The following MCF2L variants were observed in gnomAD, a reference collection of about 807,000 sequenced individuals.
MCF2L encodes MCF.2 cell line derived transforming sequence like, also known as guanine nucleotide exchange factor DBS.
MCF2L carries 97 observed loss-of-function variants against 153.4 expected under a neutral mutation model. The observed-to-expected ratio is 0.63, with a 90% CI of 0.54 to 0.75. The LOEUF (loss-of-function observed/expected upper bound fraction) is 0.75. Among genes scored for constraint, MCF2L ranks in the 30% least tolerant of loss-of-function variants. The pLI, the probability that MCF2L is intolerant of heterozygous loss-of-function variation, is 0.00. For missense variants in MCF2L, 1,347 were observed against 1,495.2 expected (o/e 0.90, Z 1.64); for synonymous variants, 659 against 632.2 (o/e 1.04, Z -0.64).
At chr13:112,902,451 G>A (rs749599100) in intron 2 of MCF2L, 9 of 1,381,940 alleles carry the variant, frequency 6.5e-6, no homozygotes, top group African/African-American at 2.9e-5. Flanking sequence ...TTGCTATTCC[G>A]GTCCTTTTAG....
chr13:112,994,294 G>A (rs931679517), intron 1 of MCF2L, among the ~76,000 whole-genome samples: 5 of 151,254 alleles, frequency 3.3e-5, no homozygotes, highest in Admixed American at 6.6e-5. Context: ...GACGGGGCGC[G>A]GCGCGTGGGA....
intron 2 of MCF2L, among the ~76,000 whole-genome samples, chr13:112,906,495 C>T (rs975753262): frequency 1.3e-5 from 2 of 152,228 alleles, no homozygotes; most frequent in South Asian, 2.1e-4. Flanking sequence ...TGTACACACA[C>T]GCACACACGG....
At chr13:113,083,028 T>C (rs1202756336) in intron 17 of MCF2L, among the ~76,000 whole-genome samples, 1 of 152,120 alleles carries the variant, frequency 6.6e-6, no homozygotes, top group Non-Finnish European at 1.5e-5. Flanking sequence ...GGGCTGCTTG[T>C]CCCCCGAGCG....
At chr13:113,087,938 G>A in intron 23 of MCF2L, 139 bp downstream of exon 23, 7 of 708,126 alleles carry the variant, frequency 9.9e-6, no homozygotes, top group Non-Finnish European at 1.7e-5. Flanking sequence ...GCCCTGGGCT[G>A]TCTTCACCCT....
intron 3 of MCF2L, among the ~76,000 whole-genome samples, chr13:113,037,413 A>T (rs2086221487): frequency 6.6e-6 from 1 of 152,204 alleles, no homozygotes; most frequent in Non-Finnish European, 1.5e-5. Flanking sequence ...GAGTTGGTTG[A>T]ACATCTGCAG....
At chr13:112,905,107 G>A (rs549845030) in intron 2 of MCF2L, among the ~76,000 whole-genome samples, 65 of 152,278 alleles carry the variant, frequency 4.3e-4, no homozygotes, top group African/African-American at 1.3e-3. Context: ...ATAAGAACTC[G>A]GAGTTGCAAA....
chr13:113,053,387 C>A lies in MCF2L; in HGVS notation c.370-7206C>A, dbSNP rs978821828. Among the ~76,000 whole-genome samples, 1 of 152,170 alleles carries A rather than the reference C, an allele frequency of 6.6e-6. No homozygotes were observed. The highest frequency in any genetic ancestry group is 1.9e-4 in the East Asian group (1 of 5,190). ...TGAAGCCAGTTGCTTTATGGAATAT[C>A]CTTTCATCTGGTTTCCTTGTAATTA... On this transcript the variant is annotated intron_variant, in intron 4 of 29. Coordinates refer to ENST00000535094, the MANE Select transcript of MCF2L (RefSeq NM_001112732.3). The surrounding 1 kb of genome is among the most constrained non-coding windows in gnomAD (Gnocchi z 4.4).
chr13:113,081,191 T>G (rs1281121123), intron 15 of MCF2L, 22 bp from the exon 16 acceptor site: 6 of 1,566,500 alleles, frequency 3.8e-6, no homozygotes, highest in East Asian at 2.3e-5. Context: ...CCTTTTTTGC[T>G]CTCCACATGA....
At chr13:112,957,988 T>C (rs1052696056) in intron 2 of MCF2L, 2 of 152,238 alleles carry the variant, frequency 1.3e-5, no homozygotes, top group Non-Finnish European at 2.9e-5. Context: ...AATAACTTGG[T>C]TAGATTTTCC....
intron 2 of MCF2L, among the ~76,000 whole-genome samples, chr13:112,955,235 A>T (rs565117558): frequency 1.3e-5 from 2 of 152,168 alleles, no homozygotes; most frequent in South Asian, 4.1e-4. Context: ...GAGGCCTCAC[A>T]CGTCCTAAAC....
At chr13:113,095,097 C>G in intron 27 of MCF2L, 1 of 1,355,570 alleles carries the variant, frequency 7.4e-7, no homozygotes, top group Non-Finnish European at 9.8e-7. Flanking sequence ...ATACAATTCT[C>G]ATTTTGTAAG....
chr13:112,897,992 C>T (rs997867877), intron 1 of MCF2L, among the ~76,000 whole-genome samples: 12 of 152,196 alleles, frequency 7.9e-5, no homozygotes, highest in African/African-American at 1.2e-4. Flanking sequence ...GCCCCGGCCC[C>T]GGCCCCGGCC....
chr13:112,994,055 T>C (rs2083006494), intron 1 of MCF2L, among the ~76,000 whole-genome samples: 1 of 152,148 alleles, frequency 6.6e-6, no homozygotes, highest in South Asian at 2.1e-4. Flanking sequence ...GTCTTTTTCC[T>C]GATTAAAAAA....
intron 2 of MCF2L, among the ~76,000 whole-genome samples, chr13:112,924,249 T>C (rs947177393): frequency 9.2e-5 from 14 of 151,822 alleles, no homozygotes; most frequent in Non-Finnish European, 2.1e-4. Context: ...GTCGTTAGAG[T>C]GCCCCCACAC....
At chr13:112,973,072 G>C (rs1343223747) in intron 1 of MCF2L, among the ~76,000 whole-genome samples, 1 of 151,936 alleles carries the variant, frequency 6.6e-6, no homozygotes, top group South Asian at 2.1e-4. Context: ...GGAGGCAGGG[G>C]CACGCATTTC....
chr13:113,066,187 T>G lies in MCF2L; in HGVS notation c.881+17T>G. On this transcript the variant is annotated intron_variant, in intron 8 of 29. Coordinates refer to ENST00000535094, the MANE Select transcript of MCF2L (RefSeq NM_001112732.3). ...CGTGCAGAGGTGAGGCCCGGCTGCC[T>G]TCCTGCCCTCATCCTGTCCCAGTCC... The G allele has an allele frequency of 1.9e-6, 3 of 1,595,522 alleles. No homozygotes were observed. Among genetic ancestry groups the G allele is most frequent in the Non-Finnish European group, 8.5e-7 (1 of 1,169,878 alleles).
Position 113,080,603 on chromosome 13 carries a change from C to CGCAG in MCF2L, c.1809-609_1809-606dup, listed in dbSNP as rs2034033959. On this transcript the variant is annotated intron_variant, in intron 15 of 29. Coordinates refer to ENST00000535094, the MANE Select transcript of MCF2L (RefSeq NM_001112732.3). Reference sequence around the variant, plus strand: ...GTGCTCACACCCACAGCAAGACCTGCGCAGCCAGCTTGTGCACCCTCCCCT... The same window carrying CGCAG: ...GTGCTCACACCCACAGCAAGACCTGCGCAGGCAGCCAGCTTGTGCACCCTCCCCT... Among the ~76,000 whole-genome samples, 3 of 152,366 alleles carry CGCAG rather than the reference C, an allele frequency of 2.0e-5. No individual in the cohort carries two copies. The South Asian group carries it at 6.2e-4, about 32-fold the overall frequency.
chr13:112,980,099 G>T (rs1441677323), intron 1 of MCF2L, among the ~76,000 whole-genome samples: 1 of 152,232 alleles, frequency 6.6e-6, no homozygotes, highest in Non-Finnish European at 1.5e-5. Context: ...CACGCGGTCT[G>T]TGGGCAGGTG....
rs188025587 is a variant in MCF2L at position 113,038,620 on chromosome 13, G to A, written c.279-6651G>A. ...CAGTTCCCAAATAAAATTCCAGCAG[G>A]TTTTTCTTTATTTAGGTGTGAACAT... On this transcript the variant is annotated intron_variant, in intron 3 of 29. Coordinates refer to ENST00000535094, the MANE Select transcript of MCF2L (RefSeq NM_001112732.3). Among the ~76,000 whole-genome samples, 32 of 152,204 alleles carry A rather than the reference G, an allele frequency of 2.1e-4. No individual in the cohort carries two copies. In the East Asian group the frequency reaches 5.6e-3, roughly 27 times the overall value.
Sources: gnomAD v4.1 joint callset for allele counts (sites outside exome capture counted in the v4.1 genomes callset) on GRCh38, gnomAD v4.1.1 for gene constraint, Gnocchi (gnomAD v3.1) non-coding constraint, MANE v1.5 for transcripts, NCBI Gene and HGNC (gene_info 2026-07-23, HGNC 2026-07-21) for gene names.